LPCAT1: variants seen among roughly 807,000 people sequenced by gnomAD.
LPCAT1 encodes 1-acylglycerol-3-phosphate O-acyltransferase.
LPCAT1 carries 23 observed loss-of-function variants against 60.9 expected under a neutral mutation model. The ratio of observed to expected loss-of-function variants is 0.38; its 90% CI spans 0.27 to 0.53. The LOEUF (loss-of-function observed/expected upper bound fraction) is 0.53, where lower values mean the gene tolerates loss of function less well. Ranked by LOEUF, LPCAT1 falls within the 20% of genes least tolerant of loss-of-function variation. The probability of loss-of-function intolerance (pLI) is 0.82; values close to 1 mark genes in which losing one functional copy is unlikely to be tolerated. For missense variants in LPCAT1, 622 were observed against 723.6 expected (o/e 0.86, Z 1.61); for synonymous variants, 340 against 301.1 (o/e 1.13, Z -1.34).
At chr5:1,505,011 A>G (rs1001896403) in intron 1 of LPCAT1, among the ~76,000 whole-genome samples, 1 of 151,096 alleles carries the variant, frequency 6.6e-6, no homozygotes, top group Non-Finnish European at 1.5e-5. Flanking sequence ...CGACTGCAAC[A>G]CTGCTTCCAC....
Position 1,518,542 on chromosome 5 carries a change from G to A in LPCAT1, c.135+5168C>T, listed in dbSNP as rs1463310160. 2.0e-5 allele frequency among the ~76,000 whole-genome samples: 3 copies of A among 152,188 alleles called. No homozygotes were observed. The South Asian group carries it at 6.2e-4, about 31-fold the overall frequency. ...TTTTTAGTAGAGACGGGGTTTCACC[G>A]TGTTAGCCAGGATGGTCTCGATCTC... On this transcript the variant is annotated intron_variant, in intron 1 of 13. Coordinates refer to ENST00000283415, the MANE Select transcript of LPCAT1 (RefSeq NM_024830.5).
Position 1,463,388 on chromosome 5 carries a change from G to A in LPCAT1, c.*263C>T. 1 of 468,406 alleles carries A rather than the reference G, an allele frequency of 2.1e-6. No homozygotes were observed. The highest frequency in any genetic ancestry group is 3.7e-5 in the South Asian group (1 of 27,392). The allele number at this position is 468,406 out of a possible 1,614,324, so 29.0% of individuals were successfully genotyped here. On this transcript the variant is annotated 3_prime_UTR_variant, in exon 14 of 14. Coordinates refer to ENST00000283415, the MANE Select transcript of LPCAT1 (RefSeq NM_024830.5). The stretch of plus-strand genomic sequence containing the variant: ...GGGGCGGCACCGGTGCCCCCCGCCC[G>A]GCAGGGAACCTGACCCCACGGGGTC...
chr5:1,462,534 C>T lies in LPCAT1; in HGVS notation c.*1117G>A, dbSNP rs1025576509. On this transcript the variant is annotated 3_prime_UTR_variant, in exon 14 of 14. Transcript: ENST00000283415. ...GACATCCTCATCACCCTCCGCACCG[C>T]ACAGCCCAGCGTCTCCTTCCACAAG... The T allele has an allele frequency of 5.2e-5, 8 of 152,400 alleles. No individual in the cohort carries two copies. Among genetic ancestry groups the T allele is most frequent in the African/African-American group, 1.9e-4 (8 of 41,428 alleles). The allele number at this position is 152,400 out of a possible 1,614,324, so 9.4% of individuals were successfully genotyped here.
Position 1,523,675 on chromosome 5 carries a change from GCCGGCT to G in LPCAT1, c.135+29_135+34del, listed in dbSNP as rs1182030105. On this transcript the variant is annotated intron_variant, in intron 1 of 13. Transcript: ENST00000283415. The surrounding 1 kb of genome is among the most constrained non-coding windows in gnomAD (Gnocchi z 7.1). ...TGGCCCCAGCATCCCTGGCGTCCGC[GCCGGCT>G]CCCGGGGCCGCGCGCCCTGGGCACC... 9.3e-7 allele frequency: 1 copy of G among 1,072,092 alleles called. No homozygotes were observed. The highest frequency in any genetic ancestry group is 1.7e-5 in the African/African-American group (1 of 58,534). The allele number at this position is 1,072,092 out of a possible 1,614,324, so 66.4% of individuals were successfully genotyped here.
rs575474362 is a variant in LPCAT1, at chr5:1,483,700, G to A, written c.668-214C>T. The stretch of plus-strand genomic sequence containing the variant: ...ATGGGCAGGAACATCGGCCAGGGGC[G>A]CTCCCCGGCCAAGGAACACTTTCTG... On this transcript the variant is annotated intron_variant, in intron 5 of 13. Transcript: ENST00000283415. The surrounding 1 kb of genome is among the most constrained non-coding windows in gnomAD (Gnocchi z 9.2). Among the ~76,000 whole-genome samples the A allele has an allele frequency of 1.6e-4, 24 of 152,354 alleles. No homozygotes were observed. Among genetic ancestry groups the A allele is most frequent in the African/African-American group, 5.3e-4 (22 of 41,584 alleles).
chr5:1,519,806 G>A (rs545851474), intron 1 of LPCAT1, among the ~76,000 whole-genome samples: 9 of 152,348 alleles, frequency 5.9e-5, no homozygotes, highest in Non-Finnish European at 1.0e-4. Flanking sequence ...GCCTGGCACC[G>A]TCTCCAAGGC....
rs755376822 is a variant in LPCAT1 at position 1,496,417 on chromosome 5, CAA to C, written c.279-1505_279-1504del. On this transcript the variant is annotated intron_variant, in intron 2 of 13. Coordinates refer to ENST00000283415, the MANE Select transcript of LPCAT1 (RefSeq NM_024830.5). The surrounding 1 kb of genome is among the most constrained non-coding windows in gnomAD (Gnocchi z 4.7). ...TCTTCTGTGCACATGTTATTTTCCA[CAA>C]AAAAAAAAAAAAAGTACAAAAACAA... 6.6e-5 allele frequency among the ~76,000 whole-genome samples: 8 copies of C among 121,984 alleles called. No individual in the cohort carries two copies. The highest frequency in any genetic ancestry group is 3.6e-5 in the Non-Finnish European group (2 of 56,228). 80.0% of individuals were successfully genotyped at this position (121,984 alleles called of 152,430 possible).
At chr5:1,519,136 G>A (rs1450963494) in intron 1 of LPCAT1, among the ~76,000 whole-genome samples, 1 of 152,264 alleles carries the variant, frequency 6.6e-6, no homozygotes, top group Non-Finnish European at 1.5e-5. Context: ...TGCAAAGACA[G>A]TGTCCGTTTA....
At chr5:1,484,840 C>T (rs1475778993) in intron 5 of LPCAT1, among the ~76,000 whole-genome samples, 3 of 152,256 alleles carry the variant, frequency 2.0e-5, no homozygotes, top group African/African-American at 7.2e-5. Flanking sequence ...GGCTGGGTTG[C>T]CCCCTTCCTG....
chr5:1,474,494 G>GC, intron 10 of LPCAT1, 66 bp downstream of exon 10: 1 of 1,581,322 alleles, frequency 6.3e-7, no homozygotes, highest in Non-Finnish European at 8.6e-7. Context: ...ACCCCAGGCA[G>GC]CCCCCGCCAG....
intron 3 of LPCAT1, 128 bp downstream of exon 3, chr5:1,494,572 A>C (rs1735707577): frequency 1.2e-6 from 1 of 840,646 alleles, no homozygotes; most frequent in Admixed American, 2.2e-5. Flanking sequence ...AGGGGGTCTC[A>C]CTCATTCCCA....
intron 11 of LPCAT1, among the ~76,000 whole-genome samples, chr5:1,471,631 C>A (rs1000035393): frequency 6.6e-6 from 1 of 151,354 alleles, no homozygotes; most frequent in Admixed American, 6.6e-5. Flanking sequence ...AGATGAAGGG[C>A]AACCAGGAGT....
At position 1,480,513 on chromosome 5, in the gene LPCAT1, CGGT is replaced by C. The variant is rs1224223220; in HGVS notation, c.761+426_761+428del. On this transcript the variant is annotated intron_variant, in intron 7 of 13. Transcript: ENST00000283415. The surrounding 1 kb of genome is among the most constrained non-coding windows in gnomAD (Gnocchi z 6.4). ...TGTTCATTGTTGCATAACTGACCTTCGGTGTCTCTGCTGGGGGGACAGGGACAC... is the reference window on the plus strand; with the variant it reads ...TGTTCATTGTTGCATAACTGACCTTCGTCTCTGCTGGGGGGACAGGGACAC... The C allele has an allele frequency of 1.8e-5, 5 of 283,230 alleles. No individual in the cohort carries two copies. The highest frequency in any genetic ancestry group is 2.7e-5 in the Non-Finnish European group (5 of 188,084). 17.5% of individuals were successfully genotyped at this position (283,230 alleles called of 1,614,324 possible).
Position 1,464,736 on chromosome 5 carries a change from GCAGA to G in LPCAT1, c.1421-905_1421-902del, listed in dbSNP as rs563844874. Among the ~76,000 whole-genome samples, 28 of 124,072 alleles carry G rather than the reference GCAGA, an allele frequency of 2.3e-4. No individual in the cohort carries two copies. In the East Asian group the frequency reaches 5.0e-3, roughly 22 times the overall value. 81.4% of individuals were successfully genotyped at this position (124,072 alleles called of 152,430 possible). A position where few individuals can be genotyped will look rare whatever the true frequency, so the allele number is the denominator to read the frequency against. On this transcript the variant is annotated intron_variant, in intron 13 of 13. Transcript: ENST00000283415. ...GCACACACGGTAAACACACATGCAC[GCAGA>G]CACACACACACAAAACAAGCACACA...
intron 13 of LPCAT1, 73 bp downstream of exon 13, chr5:1,466,676 C>A (rs752926849): frequency 1.2e-5 from 18 of 1,481,388 alleles, no homozygotes; most frequent in Middle Eastern, 1.8e-4. Flanking sequence ...TGGGCTCCCA[C>A]GGAGACTCGC....
At chr5:1,500,045 C>G (rs10058381) in intron 2 of LPCAT1, among the ~76,000 whole-genome samples, 2 of 152,164 alleles carry the variant, frequency 1.3e-5, no homozygotes, top group East Asian at 1.9e-4. Context: ...CCACTTGGCC[C>G]GGTTCCCCAC....
chr5:1,467,044 T>G (rs986239667), intron 12 of LPCAT1, 154 bp from the exon 13 acceptor site: 3 of 719,476 alleles, frequency 4.2e-6, no homozygotes, highest in Non-Finnish European at 3.9e-6. Context: ...AACTTCCATG[T>G]GGAGCCATGC....
At position 1,502,157 on chromosome 5, in the gene LPCAT1, A is replaced by G. The variant is rs922612124; in HGVS notation, c.136-554T>C. ...GGAGCTGCCATGCGAGTGGCTTGGG[A>G]AAGACACAGTGGAGCTTCCTCCTGC... On this transcript the variant is annotated intron_variant, in intron 1 of 13. Transcript: ENST00000283415. This position sits in a 1 kb window ranked among gnomAD's most constrained non-coding sequence, Gnocchi z 5.5. Among the ~76,000 whole-genome samples the G allele has an allele frequency of 7.2e-5, 11 of 152,184 alleles. No individual in the cohort carries two copies. Among genetic ancestry groups the G allele is most frequent in the African/African-American group, 2.6e-4 (11 of 41,524 alleles).
intron 1 of LPCAT1, among the ~76,000 whole-genome samples, chr5:1,515,226 T>C (rs929355164): frequency 6.7e-6 from 1 of 148,188 alleles, no homozygotes; most frequent in African/African-American, 2.5e-5. Flanking sequence ...TGCCGGCCCT[T>C]CCTACTCCGA....
Sources: gnomAD v4.1 joint callset for allele counts (sites outside exome capture counted in the v4.1 genomes callset) on GRCh38, gnomAD v4.1.1 for gene constraint, Gnocchi (gnomAD v3.1) non-coding constraint, MANE v1.5 for transcripts, NCBI Gene and HGNC (gene_info 2026-07-23, HGNC 2026-07-21) for gene names.